Variants in GRID2 observed in about 807,000 individuals in gnomAD.
The protein encoded by GRID2 is glutamate receptor ionotropic, delta-2.
A neutral mutation model predicts 114.8 loss-of-function variants in GRID2; 33 were observed. That is an observed-to-expected ratio of 0.29 (90% confidence interval 0.22 to 0.38). The LOEUF (loss-of-function observed/expected upper bound fraction) is 0.38, where lower values mean the gene tolerates loss of function less well. Ranked by LOEUF, GRID2 falls within the 10% of genes least tolerant of loss-of-function variation. The pLI is 1.00. For synonymous variants in GRID2, 505 were observed against 449.9 expected (o/e 1.12, Z -1.55); for missense variants, 1,184 against 1,257.7 (o/e 0.94, Z 0.89).
rs1724084044 is a variant in GRID2, at chr4:93,667,874, C to G, written c.2360+41439C>G. On this transcript the variant is annotated intron_variant, in intron 14 of 15. Coordinates refer to ENST00000282020, the MANE Select transcript of GRID2 (RefSeq NM_001510.4). ...GATTTAACGTAATGCAGTGTAGGAT[C>G]AGCATAGTGCCTTGAGATGGACTCC... Among the ~76,000 whole-genome samples, 6 of 151,964 alleles carry G rather than the reference C, an allele frequency of 3.9e-5. No individual in the cohort carries two copies. In the South Asian group the frequency reaches 1.2e-3, roughly 32 times the overall value.
intron 1 of GRID2, among the ~76,000 whole-genome samples, chr4:92,476,023 C>CTTTTTTTTT (rs752757998): frequency 1.6e-5 from 2 of 125,122 alleles, no homozygotes; most frequent in Non-Finnish European, 3.3e-5. Context: ...TTCAGTGCTT[C>CTTTTTTTTT]TTTTTTTTTT....
intron 1 of GRID2, among the ~76,000 whole-genome samples, chr4:92,539,077 A>ATTTTGATGAG: frequency 6.6e-6 from 1 of 151,690 alleles, no homozygotes; most frequent in African/African-American, 2.4e-5. Flanking sequence ...TAGGAGATGA[A>ATTTTGATGAG]TTTTGAGCAA....
chr4:92,931,194 T>G (rs987715943), intron 2 of GRID2, among the ~76,000 whole-genome samples: 29 of 151,108 alleles, frequency 1.9e-4, no homozygotes, highest in Admixed American at 5.3e-4. Context: ...AAAGTTGGTT[T>G]AACATTTGAA....
At chr4:93,129,771 A>G (rs896599055) in intron 4 of GRID2, among the ~76,000 whole-genome samples, 1 of 151,972 alleles carries the variant, frequency 6.6e-6, no homozygotes, top group African/African-American at 2.4e-5. Flanking sequence ...GACACATGGA[A>G]CCTGGCAGGG....
At chr4:93,021,707 T>G (rs1448851084) in intron 2 of GRID2, among the ~76,000 whole-genome samples, 1 of 143,100 alleles carries the variant, frequency 7.0e-6, no homozygotes, top group African/African-American at 2.6e-5. Flanking sequence ...ATTATGAATA[T>G]TATAATTATT....
At chr4:92,630,575 G>A (rs1213824620) in intron 2 of GRID2, among the ~76,000 whole-genome samples, 2 of 152,052 alleles carry the variant, frequency 1.3e-5, no homozygotes, top group Admixed American at 6.6e-5. Flanking sequence ...CTTAATGCAG[G>A]AACTATTTTC....
At chr4:93,769,539 G>A in intron 15 of GRID2, 89 bp downstream of exon 15, 1 of 1,252,784 alleles carries the variant, frequency 8.0e-7, no homozygotes, top group Non-Finnish European at 1.1e-6. Context: ...TAATGGGTTG[G>A]GGGTGGTCCT....
intron 8 of GRID2, among the ~76,000 whole-genome samples, chr4:93,239,371 A>G (rs564583434): frequency 6.0e-5 from 8 of 133,250 alleles, no homozygotes; most frequent in Middle Eastern, 8.4e-3. Flanking sequence ...CTATCTATCT[A>G]TATTTGGTAG....
intron 4 of GRID2, among the ~76,000 whole-genome samples, chr4:93,145,644 C>CTTTTTTTTT (rs10605313): frequency 8.8e-5 from 4 of 45,704 alleles, no homozygotes; most frequent in East Asian, 7.5e-4. Flanking sequence ...TTCTTTTTTC[C>CTTTTTTTTT]TTTTTTTTTT....
At position 93,006,966 on chromosome 4, in the gene GRID2, G is replaced by A. The variant is rs385962; in HGVS notation, c.245-78029G>A. ...ACCCTGTCTTAAATATATTTTTAAA[G>A]AATTACCTGGAAATATTAAAAAATT... On this transcript the variant is annotated intron_variant, in intron 2 of 15. Coordinates refer to ENST00000282020, the MANE Select transcript of GRID2 (RefSeq NM_001510.4). Among the ~76,000 whole-genome samples the A allele has an allele frequency of 7.7e-3, 1,173 of 151,490 alleles. 16 individuals are homozygous for A. The highest frequency in any genetic ancestry group is 0.027 in the African/African-American group (1,112 of 41,374).
At chr4:93,078,961 A>G (rs1208454139) in intron 2 of GRID2, among the ~76,000 whole-genome samples, 4 of 148,428 alleles carry the variant, frequency 2.7e-5, no homozygotes, top group Non-Finnish European at 6.0e-5. Flanking sequence ...TAAATTATAT[A>G]TAAATATACA....
At chr4:93,206,361 C>G (rs1300517890) in intron 4 of GRID2, among the ~76,000 whole-genome samples, 1 of 151,792 alleles carries the variant, frequency 6.6e-6, no homozygotes, top group African/African-American at 2.4e-5. Flanking sequence ...CAAAGAATAG[C>G]CAACAAAATG....
rs568349743 is a variant in GRID2, at chr4:93,590,997, G to A, written c.2194-35272G>A. Among the ~76,000 whole-genome samples the A allele has an allele frequency of 5.6e-3, 845 of 151,672 alleles. 9 individuals are homozygous for A. The highest frequency in any genetic ancestry group is 0.019 in the African/African-American group (776 of 41,282). On this transcript the variant is annotated intron_variant, in intron 13 of 15. Transcript: ENST00000282020. The stretch of plus-strand genomic sequence containing the variant: ...TTCTAGATATACAATCATGTCATCT[G>A]CAAACAGGGACAATTGGACTTCCTC...
At chr4:93,113,730 G>A (rs990504970) in intron 4 of GRID2, among the ~76,000 whole-genome samples, 1 of 152,178 alleles carries the variant, frequency 6.6e-6, no homozygotes, top group African/African-American at 2.4e-5. Context: ...GGTTGTAGAG[G>A]TAAAGTATAC....
intron 14 of GRID2, among the ~76,000 whole-genome samples, chr4:93,723,048 TTGTC>T (rs1461757442): frequency 4.6e-5 from 7 of 152,192 alleles, no homozygotes; most frequent in African/African-American, 1.4e-4. Context: ...GATTTTCTCT[TTGTC>T]TGATATGACT....
chr4:93,447,909 T>C (rs1580112429), intron 10 of GRID2, among the ~76,000 whole-genome samples: 1 of 152,070 alleles, frequency 6.6e-6, no homozygotes, highest in East Asian at 1.9e-4. Context: ...AAAATTCTTT[T>C]GGATATGAAT....
intron 2 of GRID2, among the ~76,000 whole-genome samples, chr4:92,672,312 A>G (rs1733113331): frequency 6.6e-6 from 1 of 152,110 alleles, no homozygotes. Context: ...AATATTTAAC[A>G]TGTGTCTCTG....
intron 2 of GRID2, among the ~76,000 whole-genome samples, chr4:92,837,643 C>T (rs1742552252): frequency 6.6e-6 from 1 of 151,954 alleles, no homozygotes; most frequent in African/African-American, 2.4e-5. Context: ...AAAGGTATTT[C>T]AACACTTCTT....
intron 5 of GRID2, among the ~76,000 whole-genome samples, chr4:93,212,920 G>A (rs1452964226): frequency 9.2e-5 from 14 of 151,814 alleles, no homozygotes; most frequent in Non-Finnish European, 1.6e-4. Flanking sequence ...TTACAGGGAT[G>A]TGCCACCACG....
Sources: allele counts gnomAD v4.1 joint callset (sites outside exome capture counted in the v4.1 genomes callset), GRCh38; gene constraint gnomAD v4.1.1; transcripts MANE v1.5; gene names NCBI Gene and HGNC (gene_info 2026-07-23, HGNC 2026-07-21).